The following TSPEAR variants were observed in gnomAD, a reference collection of about 807,000 sequenced individuals.
The protein encoded by TSPEAR is thrombospondin type laminin G domain and EAR repeats.
TSPEAR carries 69 observed loss-of-function variants against 71.6 expected under a neutral mutation model. The ratio of observed to expected loss-of-function variants is 0.96; its 90% CI spans 0.79 to 1.18. The LOEUF is 1.18. Among genes scored for constraint, TSPEAR ranks in the 50% most tolerant of loss-of-function variants. TSPEAR has a pLI of 0.00. For missense variants in TSPEAR, 971 were observed against 894.9 expected (o/e 1.09, Z -1.09); for synonymous variants, 402 against 387.2 (o/e 1.04, Z -0.45).
At chr21:44,501,784 A>G (rs1247725337) in intron 11 of TSPEAR, among the ~76,000 whole-genome samples, 1 of 152,144 alleles carries the variant, frequency 6.6e-6, no homozygotes, top group Non-Finnish European at 1.5e-5. Flanking sequence ...ATAAATAAGA[A>G]GGAGATATTA....
At chr21:44,677,110 T>G in intron 1 of TSPEAR, 2 of 715,334 alleles carry the variant, frequency 2.8e-6, no homozygotes, top group African/African-American at 1.7e-5. Flanking sequence ...TGCTTGGACC[T>G]TTTTGACCAC....
At chr21:44,637,890 T>A (rs1555937432) in intron 1 of TSPEAR, 1 of 1,535,416 alleles carries the variant, frequency 6.5e-7, no homozygotes, top group Non-Finnish European at 8.9e-7. Flanking sequence ...GTCTGCTATG[T>A]GCCTGTGTGC....
chr21:44,657,538 G>A (rs587599106), intron 1 of TSPEAR, among the ~76,000 whole-genome samples: 6 of 152,328 alleles, frequency 3.9e-5, no homozygotes, highest in African/African-American at 1.2e-4. Context: ...GCTCACAGAC[G>A]ATAGTTTGCC....
In TSPEAR at chr21:44,661,281, C is replaced by CAA. The variant is rs10572767; in HGVS notation, c.82+50150_82+50151dup. On this transcript the variant is annotated intron_variant, in intron 1 of 11. Coordinates refer to ENST00000323084, the MANE Select transcript of TSPEAR (RefSeq NM_144991.3). ...GGTGACACAGAGTGAGACTCCGTCT[C>CAA]AAAAAAAAAAAAAAAAAAAAAAGCA... 5.1e-3 allele frequency among the ~76,000 whole-genome samples: 403 copies of CAA among 79,488 alleles called. 6 individuals carry two copies. The highest frequency in any genetic ancestry group is 9.1e-3 in the African/African-American group (183 of 20,164). 52.1% of individuals were successfully genotyped at this position (79,488 alleles called of 152,430 possible).
At chr21:44,701,833 C>T (rs943411074) in intron 1 of TSPEAR, among the ~76,000 whole-genome samples, 1 of 151,958 alleles carries the variant, frequency 6.6e-6, no homozygotes, top group South Asian at 2.1e-4. Context: ...GTCCCCGTCC[C>T]GGGGTTGGGA....
chr21:44,508,365 A>G, intron 10 of TSPEAR: 1 of 488,962 alleles, frequency 2.0e-6, no homozygotes, highest in African/African-American at 2.1e-5. Flanking sequence ...CAGGAGGGGC[A>G]GGTGAATTGT....
chr21:44,677,532 G>C, intron 1 of TSPEAR: 2 of 830,986 alleles, frequency 2.4e-6, no homozygotes, highest in South Asian at 1.4e-5. Context: ...TTCTTCACAT[G>C]GTCGTTCCCT....
chr21:44,579,155 T>C (rs1196487774), intron 1 of TSPEAR, among the ~76,000 whole-genome samples: 1 of 152,062 alleles, frequency 6.6e-6, no homozygotes, highest in Non-Finnish European at 1.5e-5. Context: ...AAGGTGACCC[T>C]GCAGGGTGGG....
chr21:44,676,251 G>A, intron 1 of TSPEAR: 1 of 1,297,932 alleles, frequency 7.7e-7, no homozygotes, highest in Non-Finnish European at 1.1e-6. Flanking sequence ...GGACTCTAAG[G>A]GTCTCTTCAC....
At chr21:44,702,573 G>T (rs929748089) in intron 1 of TSPEAR, 35 of 1,608,608 alleles carry the variant, frequency 2.2e-5, no homozygotes, top group Non-Finnish European at 2.6e-5. Context: ...GCTGCCAGCC[G>T]GCTTGCTGCA....
chr21:44,572,424 CTTTT>C (rs2053816031), intron 1 of TSPEAR, among the ~76,000 whole-genome samples: 1 of 152,104 alleles, frequency 6.6e-6, no homozygotes, highest in Non-Finnish European at 1.5e-5. Context: ...GTGAACCCCG[CTTTT>C]CAGCCACTAT....
chr21:44,601,890 C>A, intron 1 of TSPEAR: 1 of 1,061,424 alleles, frequency 9.4e-7, no homozygotes, highest in Non-Finnish European at 1.3e-6. Flanking sequence ...CTCCTAGAAG[C>A]AGCTCAGCTG....
At chr21:44,675,820 C>T (rs1427483085) in intron 1 of TSPEAR, 2 of 588,400 alleles carry the variant, frequency 3.4e-6, no homozygotes, top group Non-Finnish European at 6.2e-6. Flanking sequence ...TGTATCACTG[C>T]TGATTTCCTT....
At position 44,710,343 on chromosome 21, in the gene TSPEAR, C is replaced by T. The variant is rs1377632908; in HGVS notation, c.82+1090G>A. On this transcript the variant is annotated intron_variant, in intron 1 of 11. Coordinates refer to ENST00000323084, the MANE Select transcript of TSPEAR (RefSeq NM_144991.3). This position sits in a 1 kb window ranked among gnomAD's most constrained non-coding sequence, Gnocchi z 4.6. ...TCCAGCACGGAAGGTCTACCTACCT[C>T]CCACTGCACAGCCCGAGGGCTGTCC... Among the ~76,000 whole-genome samples the T allele has an allele frequency of 2.0e-5, 3 of 152,168 alleles. No homozygotes were observed. The highest frequency in any genetic ancestry group is 7.2e-5 in the African/African-American group (3 of 41,436).
chr21:44,704,591 C>T (rs1357410171), intron 1 of TSPEAR, among the ~76,000 whole-genome samples: 19 of 152,162 alleles, frequency 1.2e-4, no homozygotes, highest in African/African-American at 3.1e-4. Flanking sequence ...TGTTCAACAC[C>T]GAGGGGCAGC....
chr21:44,646,254 G>C (rs1184376415), intron 1 of TSPEAR, among the ~76,000 whole-genome samples: 1 of 149,558 alleles, frequency 6.7e-6, no homozygotes, highest in African/African-American at 2.5e-5. Context: ...AAAACAAAGA[G>C]ATAAACCAGC....
chr21:44,574,892 T>C (rs199999192), intron 1 of TSPEAR: 3 of 1,611,690 alleles, frequency 1.9e-6, no homozygotes, highest in Non-Finnish European at 2.5e-6. Flanking sequence ...TGCCCGTCCC[T>C]TCCTGCTGTG....
At chr21:44,511,429 T>G (rs2052375485) in intron 9 of TSPEAR, among the ~76,000 whole-genome samples, 1 of 152,232 alleles carries the variant, frequency 6.6e-6, no homozygotes, top group Non-Finnish European at 1.5e-5. Context: ...CACATGTGGA[T>G]ACACATGCAG....
intron 1 of TSPEAR, among the ~76,000 whole-genome samples, chr21:44,607,344 C>CCT (rs1208885739): frequency 1.3e-5 from 2 of 152,356 alleles, no homozygotes; most frequent in South Asian, 2.1e-4. Context: ...TCCCAAAGTG[C>CCT]TGGGATTACA....
Sources: allele counts gnomAD v4.1 joint callset (sites outside exome capture counted in the v4.1 genomes callset), GRCh38; gene constraint gnomAD v4.1.1; non-coding constraint Gnocchi (gnomAD v3.1); transcripts MANE v1.5; gene names NCBI Gene and HGNC (gene_info 2026-07-23, HGNC 2026-07-21).